PCDHGB2: variants seen among roughly 807,000 people sequenced by gnomAD.
The protein encoded by PCDHGB2 is protocadherin gamma-B2.
Under a neutral mutation model 59.3 loss-of-function variants are expected in PCDHGB2, and 55 were observed. The observed-to-expected ratio is 0.93, with a 90% confidence interval of 0.75 to 1.16. PCDHGB2 has a LOEUF of 1.16. Among genes scored for constraint, PCDHGB2 ranks in the 50% most tolerant of loss-of-function variants. The probability of loss-of-function intolerance (pLI) is 0.00; values close to 1 mark genes in which losing one functional copy is unlikely to be tolerated. For synonymous variants in PCDHGB2, 516 were observed against 512.0 expected (o/e 1.01, Z -0.11); for missense variants, 1,228 against 1,198.5 (o/e 1.02, Z -0.36).
chr5:141,371,887 C>G (rs372336757), intron 1 of PCDHGB2: 41 of 1,613,306 alleles, frequency 2.5e-5, no homozygotes, highest in Non-Finnish European at 3.4e-5. Context: ...GACCTGGAGC[C>G]GCGGGAGCTG....
intron 1 of PCDHGB2, among the ~76,000 whole-genome samples, chr5:141,461,366 A>G (rs1186381077): frequency 6.6e-6 from 1 of 151,964 alleles, no homozygotes; most frequent in Non-Finnish European, 1.5e-5. Flanking sequence ...TTGTGGTTTT[A>G]ATTTGCATTT....
intron 1 of PCDHGB2, chr5:141,426,745 A>G (rs866203428): frequency 6.2e-5 from 28 of 454,130 alleles, no homozygotes; most frequent in Middle Eastern, 6.5e-4. Context: ...TTTGGCCTGG[A>G]ATCTGCTATA....
At position 141,477,592 on chromosome 5, in the gene PCDHGB2, T is replaced by G; in HGVS notation, c.2422-17215T>G. On this transcript the variant is annotated intron_variant, in intron 1 of 3. Coordinates refer to ENST00000522605, the MANE Select transcript of PCDHGB2 (RefSeq NM_018923.3). The surrounding 1 kb of genome is among the most constrained non-coding windows in gnomAD (Gnocchi z 4.9). ...CCGACGCCCCGCAGAATGCTCGGCT[T>G]TCTTTCTTTCTCTTGGAGCAAGGAG... The G allele has an allele frequency of 6.2e-7, 1 of 1,614,142 alleles. No homozygotes were observed. Among genetic ancestry groups the G allele is most frequent in the Non-Finnish European group, 8.5e-7 (1 of 1,180,014 alleles).
chr5:141,497,413 T>A (rs572922456), intron 2 of PCDHGB2, among the ~76,000 whole-genome samples: 1 of 151,928 alleles, frequency 6.6e-6, no homozygotes, highest in African/African-American at 2.4e-5. Context: ...TCCCATTCCA[T>A]CAAATGAGAG....
intron 1 of PCDHGB2, chr5:141,440,130 A>G (rs1222064545): frequency 6.6e-6 from 1 of 152,282 alleles, no homozygotes; most frequent in African/African-American, 2.4e-5. Context: ...TGAATGGATC[A>G]GGAGCAGATA....
In PCDHGB2 at chr5:141,489,744, C is replaced by T. The variant is rs185263705; in HGVS notation, c.2422-5063C>T. The T allele has an allele frequency of 1.1e-5, 18 of 1,614,144 alleles. No homozygotes were observed. In the Admixed American group the frequency reaches 2.8e-4, roughly 25 times the overall value. Reference sequence around the variant, plus strand: ...CGGATGTGGGCACCAATACTGTGAGCTTTTACACTCTAAGCCCCAACAGCC... The same window carrying T: ...CGGATGTGGGCACCAATACTGTGAGTTTTTACACTCTAAGCCCCAACAGCC... On this transcript the variant is annotated intron_variant, in intron 1 of 3. Transcript: ENST00000522605. This position sits in a 1 kb window ranked among gnomAD's most constrained non-coding sequence, Gnocchi z 4.5.
chr5:141,435,737 T>C (rs944951200), intron 1 of PCDHGB2, among the ~76,000 whole-genome samples: 1 of 152,202 alleles, frequency 6.6e-6, no homozygotes, highest in Non-Finnish European at 1.5e-5. Context: ...TATTACTCTT[T>C]GAAAAGCATT....
chr5:141,412,559 GTTTA>G (rs2095563108), intron 1 of PCDHGB2: 1 of 152,224 alleles, frequency 6.6e-6, no homozygotes, highest in Admixed American at 6.5e-5. Flanking sequence ...TATCTCATGA[GTTTA>G]TTTAATATAA....
chr5:141,465,430 C>T (rs1212434943), intron 1 of PCDHGB2, among the ~76,000 whole-genome samples: 2 of 152,150 alleles, frequency 1.3e-5, no homozygotes, highest in Non-Finnish European at 2.9e-5. Context: ...AAGGTGGGCA[C>T]TTAATGATTA....
intron 1 of PCDHGB2, chr5:141,398,772 G>T: frequency 6.2e-7 from 1 of 1,613,910 alleles, no homozygotes; most frequent in Non-Finnish European, 8.5e-7. Flanking sequence ...TGACTGCCTT[G>T]GACGGTGGAC....
At chr5:141,434,240 T>A (rs979144259) in intron 1 of PCDHGB2, among the ~76,000 whole-genome samples, 1 of 152,336 alleles carries the variant, frequency 6.6e-6, no homozygotes, top group East Asian at 1.9e-4. Flanking sequence ...CTGGACTAGA[T>A]GACTTGGGCA....
intron 1 of PCDHGB2, chr5:141,388,885 A>G (rs1359019533): frequency 1.9e-6 from 3 of 1,614,002 alleles, no homozygotes; most frequent in East Asian, 2.2e-5. Context: ...GTGGAGGTAG[A>G]AGTCATAGAT....
At chr5:141,413,357 G>A (rs2095629700) in intron 1 of PCDHGB2, 2 of 1,613,874 alleles carry the variant, frequency 1.2e-6, no homozygotes, top group South Asian at 1.1e-5. Flanking sequence ...CTGGCGCCCC[G>A]GGAGCTGGCG....
intron 1 of PCDHGB2, chr5:141,421,546 A>C: frequency 6.2e-7 from 1 of 1,614,014 alleles, no homozygotes; most frequent in Non-Finnish European, 8.5e-7. Context: ...TTTTTTAAAT[A>C]TGGAACTTCT....
intron 1 of PCDHGB2, chr5:141,370,522 G>A: frequency 6.2e-7 from 1 of 1,613,884 alleles, no homozygotes; most frequent in Non-Finnish European, 8.5e-7. Context: ...GAGCTGGACA[G>A]GGGCTCGCTG....
chr5:141,484,426 C>T (rs377504062), intron 1 of PCDHGB2, among the ~76,000 whole-genome samples: 1 of 152,188 alleles, frequency 6.6e-6, no homozygotes, highest in African/African-American at 2.4e-5. Context: ...ACAATGAGAA[C>T]ATGTACTGCA....
rs372466798 is a variant in PCDHGB2 at position 141,413,407 on chromosome 5, C to T, written c.2421+50851C>T. On this transcript the variant is annotated intron_variant, in intron 1 of 3. Transcript: ENST00000522605. ...CATAGTCTCCAGAGGTAGGACGCAG[C>T]TTTTCTCTCTGAACCCGCGCAGCGG... The T allele has an allele frequency of 6.2e-7, 1 of 1,614,044 alleles. No individual in the cohort carries two copies. The highest frequency in any genetic ancestry group is 8.5e-7 in the Non-Finnish European group (1 of 1,179,938).
Position 141,511,464 on chromosome 5 carries a change from C to G in PCDHGB2, c.*291C>G. 1.9e-6 allele frequency: 1 copy of G among 538,254 alleles called. No individual in the cohort carries two copies. The highest frequency in any genetic ancestry group is 2.1e-5 in the South Asian group (1 of 47,028). The allele number at this position is 538,254 out of a possible 1,614,324, so 33.3% of individuals were successfully genotyped here. On this transcript the variant is annotated 3_prime_UTR_variant, in exon 4 of 4. Transcript: ENST00000522605. ...ACACCAAGAACCATTTGCCACACCC[C>G]GTTTAGTTACAGCTGAACTCCTCCA...
intron 1 of PCDHGB2, among the ~76,000 whole-genome samples, chr5:141,425,045 C>T (rs1374682125): frequency 6.6e-6 from 1 of 152,136 alleles, no homozygotes; most frequent in East Asian, 1.9e-4. Context: ...TGTAAACTGA[C>T]TATCTAGGGC....
Sources: allele counts gnomAD v4.1 joint callset (sites outside exome capture counted in the v4.1 genomes callset), GRCh38; gene constraint gnomAD v4.1.1; non-coding constraint Gnocchi (gnomAD v3.1); transcripts MANE v1.5; gene names NCBI Gene and HGNC (gene_info 2026-07-23, HGNC 2026-07-21).